FAM20A: variants seen among roughly 807,000 people sequenced by gnomAD.
FAM20A encodes pseudokinase FAM20A.
FAM20A carries 42 observed loss-of-function variants against 52.0 expected under a neutral mutation model. The ratio of observed to expected loss-of-function variants is 0.81; its 90% CI spans 0.63 to 1.04. The LOEUF is 1.04. Among genes scored for constraint, FAM20A ranks in the 50% least tolerant of loss-of-function variants. FAM20A has a pLI of 0.00. For missense variants in FAM20A, 742 were observed against 712.7 expected (o/e 1.04, Z -0.47); for synonymous variants, 304 against 298.9 (o/e 1.02, Z -0.18).
chr17:68,584,657 G>A (rs147339635), intron 1 of FAM20A, among the ~76,000 whole-genome samples: 5 of 152,342 alleles, frequency 3.3e-5, no homozygotes, highest in Non-Finnish European at 5.9e-5. Context: ...TTCTGGATGA[G>A]TTGGGCATAG....
At chr17:68,565,456 C>T (rs987443212) in intron 1 of FAM20A, among the ~76,000 whole-genome samples, 14 of 143,592 alleles carry the variant, frequency 9.7e-5, no homozygotes, top group Admixed American at 1.4e-4. Flanking sequence ...TGCAGTGGCC[C>T]GGTCTTGGTT....
chr17:68,548,568 T>C (rs551205094), intron 4 of FAM20A, among the ~76,000 whole-genome samples: 3 of 151,886 alleles, frequency 2.0e-5, no homozygotes, highest in South Asian at 4.2e-4. Context: ...AATTACCAAA[T>C]GTGACACAGA....
At chr17:68,556,248 G>T (rs74614259) in intron 1 of FAM20A, among the ~76,000 whole-genome samples, 3,384 of 152,190 alleles carry the variant, frequency 0.022, 142 homozygotes, top group African/African-American at 0.078. Context: ...TGGAAGCTGA[G>T]TTAGATTATA....
At chr17:68,543,461 G>A (rs574079878) in intron 5 of FAM20A, among the ~76,000 whole-genome samples, 168 bp downstream of exon 5, 1 of 152,262 alleles carries the variant, frequency 6.6e-6, no homozygotes, top group African/African-American at 2.4e-5. Context: ...AATCTGGGGG[G>A]TTGCATGGGA....
chr17:68,551,474 C>T (rs2086831181), intron 4 of FAM20A, among the ~76,000 whole-genome samples: 1 of 152,006 alleles, frequency 6.6e-6, no homozygotes, highest in African/African-American at 2.4e-5. Context: ...AACTTAGCAA[C>T]CCAGATGCCT....
rs1440560390 is a variant in FAM20A at position 68,551,940 on chromosome 17, T to G, written c.652A>C (p.Ser218Arg). The change falls in exon 4 of 11, where the codon AGT (serine) becomes CGT (arginine). Residue 218 changes from serine (S) to arginine (R), a missense_variant. By Grantham distance (110) the Ser-to-Arg change is moderately radical. Transcript: ENST00000592554. Reference sequence around the variant, plus strand: ...AGCACCAGCTTGAGGTGGACCCCACTGGGTTTCACAACTGTGAAAGGCAGA... The same window carrying G: ...AGCACCAGCTTGAGGTGGACCCCACGGGGTTTCACAACTGTGAAAGGCAGA... ...ACDCTQIVKP[S>R]GVHLKLVLRF... 1 of 1,586,426 alleles carries G rather than the reference T, an allele frequency of 6.3e-7. No homozygotes were observed. Among genetic ancestry groups the G allele is most frequent in the Non-Finnish European group, 8.6e-7 (1 of 1,164,366 alleles).
chr17:68,551,724 T>TATTATTATTATTATTATCATC (rs34614921), intron 4 of FAM20A, 149 bp downstream of exon 4: 1 of 292,272 alleles, frequency 3.4e-6, no homozygotes, highest in Non-Finnish European at 6.3e-6. Context: ...TTATTATTAT[T>TATTATTATTATTATTATCATC]ATCACCCCAA....
chr17:68,585,323 T>A (rs78520679), intron 1 of FAM20A, among the ~76,000 whole-genome samples: 2 of 151,258 alleles, frequency 1.3e-5, no homozygotes, highest in African/African-American at 4.9e-5. Context: ...ACACTATGTT[T>A]ATTAATATCC....
intron 3 of FAM20A, among the ~76,000 whole-genome samples, chr17:68,553,937 CATAT>C (rs1195255776): frequency 1.1e-3 from 154 of 134,408 alleles, no homozygotes; most frequent in African/African-American, 4.5e-3. Context: ...TGCATATATA[CATAT>C]ATACACACAT....
In FAM20A at chr17:68,552,807, G is replaced by A. The variant is rs1025272092; in HGVS notation, c.641-856C>T. ...CGCCATTCTCCTGCCTCAGCCTCCC[G>A]AGTAGCTGGGACTACAGGCGCCCGC... On this transcript the variant is annotated intron_variant, in intron 3 of 10. Coordinates refer to ENST00000592554, the MANE Select transcript of FAM20A (RefSeq NM_017565.4). Among the ~76,000 whole-genome samples, 11 of 131,592 alleles carry A rather than the reference G, an allele frequency of 8.4e-5. 1 individual carries two copies. The highest frequency in any genetic ancestry group is 6.4e-4 in the Admixed American group (8 of 12,532). 86.3% of individuals were successfully genotyped at this position (131,592 alleles called of 152,430 possible). A position where few individuals can be genotyped will look rare whatever the true frequency, so the allele number is the denominator to read the frequency against.
At chr17:68,599,838 G>T (rs2088560283) in intron 1 of FAM20A, among the ~76,000 whole-genome samples, 1 of 152,178 alleles carries the variant, frequency 6.6e-6, no homozygotes, top group Non-Finnish European at 1.5e-5. Context: ...ATTTCAACTA[G>T]CTCTGGAGTC....
chr17:68,552,686 TTTTTTTG>T (rs2086896200), intron 3 of FAM20A, among the ~76,000 whole-genome samples: 1 of 96,514 alleles, frequency 1.0e-5, no homozygotes, highest in Non-Finnish European at 2.3e-5. Context: ...TTTTTTTTTT[TTTTTTTG>T]AGACGGAGTC....
intron 8 of FAM20A, 190 bp downstream of exon 8, chr17:68,540,659 C>A (rs987560707): frequency 1.3e-5 from 10 of 745,110 alleles, no homozygotes; most frequent in Non-Finnish European, 2.3e-5. Context: ...TGAGCTTCTT[C>A]CAGTTCTTTG....
At chr17:68,567,966 G>A (rs899337259) in intron 1 of FAM20A, among the ~76,000 whole-genome samples, 5 of 151,930 alleles carry the variant, frequency 3.3e-5, no homozygotes, top group South Asian at 2.1e-4. Flanking sequence ...AGGCTCCCCC[G>A]CCATGCGGAA....
Position 68,551,688 on chromosome 17 carries a change from AATT to A in FAM20A, c.719+182_719+184del, listed in dbSNP as rs34824326. On this transcript the variant is annotated intron_variant, in intron 4 of 10. Transcript: ENST00000592554. ...AAAAAGACAAGCTCTTAGTATTTTC[AATT>A]ATTATTATTATTATTATTATTATTA... Among the ~76,000 whole-genome samples, 30,546 of 134,686 alleles carry A rather than the reference AATT, an allele frequency of 0.23. 3,960 individuals are homozygous for A. The highest frequency in any genetic ancestry group is 0.31 in the Non-Finnish European group (19,314 of 63,206). The allele number at this position is 134,686 out of a possible 152,430, so 88.4% of individuals were successfully genotyped here. A position where few individuals can be genotyped will look rare whatever the true frequency, so the allele number is the denominator to read the frequency against.
intron 4 of FAM20A, 29 bp downstream of exon 4, chr17:68,551,844 G>A (rs1433148612): frequency 1.3e-6 from 2 of 1,529,700 alleles, no homozygotes; most frequent in South Asian, 2.4e-5. Context: ...CCCCAACTGG[G>A]TGTGGAAAGG....
At chr17:68,590,134 A>G (rs2088264626) in intron 1 of FAM20A, 1 of 152,172 alleles carries the variant, frequency 6.6e-6, no homozygotes, top group African/African-American at 2.4e-5. Flanking sequence ...CTTAAAGTAT[A>G]TTTTTTCAAA....
chr17:68,593,135 A>C (rs991525636), intron 1 of FAM20A, among the ~76,000 whole-genome samples: 5 of 152,258 alleles, frequency 3.3e-5, no homozygotes, highest in Admixed American at 3.3e-4. Context: ...CTATAATAAC[A>C]GGTAAGAACT....
intron 1 of FAM20A, among the ~76,000 whole-genome samples, chr17:68,575,652 A>T (rs1455546393): frequency 8.9e-6 from 1 of 112,674 alleles, no homozygotes; most frequent in Non-Finnish European, 1.7e-5. Context: ...ATTATATTTT[A>T]TATATATTTT....
Sources: gnomAD v4.1 joint callset for allele counts (sites outside exome capture counted in the v4.1 genomes callset) on GRCh38, gnomAD v4.1.1 for gene constraint, MANE v1.5 for transcripts, NCBI Gene and HGNC (gene_info 2026-07-23, HGNC 2026-07-21) for gene names.